Variants in CNTNAP2 observed in about 807,000 individuals in gnomAD.
CNTNAP2 encodes contactin-associated protein-like 2.
Under a neutral mutation model 155.2 loss-of-function variants are expected in CNTNAP2, and 98 were observed. The observed-to-expected ratio is 0.63, with a 90% confidence interval of 0.54 to 0.75. CNTNAP2 has a LOEUF of 0.75. CNTNAP2 is among the 30% of genes least tolerant of loss of function. The pLI, the probability that CNTNAP2 is intolerant of heterozygous loss-of-function variation, is 0.00. For synonymous variants in CNTNAP2, 651 were observed against 631.2 expected, an observed-to-expected ratio of 1.03 and a Z score of -0.47; for missense variants, 1,727 against 1,688.1, an observed-to-expected ratio of 1.02 and a Z score of -0.40.
At chr7:146,494,263 G>A (rs1797181226) in intron 1 of CNTNAP2, among the ~76,000 whole-genome samples, 1 of 151,960 alleles carries the variant, frequency 6.6e-6, no homozygotes, top group Non-Finnish European at 1.5e-5. Context: ...GAATCCGGGA[G>A]GCGGAGTTTG....
At chr7:148,177,237 T>C (rs1394398561) in intron 18 of CNTNAP2, among the ~76,000 whole-genome samples, 1 of 152,174 alleles carries the variant, frequency 6.6e-6, no homozygotes, top group Non-Finnish European at 1.5e-5. Context: ...GATGTGATTA[T>C]GGTAAGTTGA....
chr7:147,717,488 T>C (rs954560163), intron 13 of CNTNAP2, among the ~76,000 whole-genome samples: 4 of 152,092 alleles, frequency 2.6e-5, no homozygotes, highest in African/African-American at 9.7e-5. Flanking sequence ...AGGAGGGAAA[T>C]AGCAGAGTAA....
intron 11 of CNTNAP2, among the ~76,000 whole-genome samples, chr7:147,536,593 C>G (rs1799543656): frequency 1.3e-5 from 2 of 152,158 alleles, no homozygotes; most frequent in Admixed American, 1.3e-4. Flanking sequence ...GGGGAAATAT[C>G]TGTCCATGGT....
At chr7:147,127,964 A>G (rs913191626) in intron 6 of CNTNAP2, among the ~76,000 whole-genome samples, 12 of 152,278 alleles carry the variant, frequency 7.9e-5, no homozygotes, top group African/African-American at 2.4e-4. Context: ...TTAATGCTAT[A>G]GTGTATATTG....
At chr7:146,376,268 A>G (rs1002886608) in intron 1 of CNTNAP2, among the ~76,000 whole-genome samples, 5 of 152,084 alleles carry the variant, frequency 3.3e-5, no homozygotes, top group Non-Finnish European at 7.4e-5. Context: ...TTTAAGTTTA[A>G]TTGCACTTCT....
intron 3 of CNTNAP2, among the ~76,000 whole-genome samples, chr7:146,969,304 A>G (rs1797731240): frequency 6.6e-6 from 1 of 151,928 alleles, no homozygotes; most frequent in South Asian, 2.1e-4. Context: ...TGGGGTGGAG[A>G]GGTCTGTAGA....
intron 13 of CNTNAP2, among the ~76,000 whole-genome samples, chr7:147,729,918 C>A (rs926292725): frequency 6.6e-6 from 1 of 151,954 alleles, no homozygotes; most frequent in Admixed American, 6.6e-5. Context: ...AAATGGAATT[C>A]CTCTTTCAAT....
intron 12 of CNTNAP2, among the ~76,000 whole-genome samples, chr7:147,599,519 G>T (rs906679838): frequency 6.7e-6 from 1 of 149,652 alleles, no homozygotes; most frequent in South Asian, 2.1e-4. Flanking sequence ...CATGAACTAG[G>T]TGACAAAATA....
intron 3 of CNTNAP2, among the ~76,000 whole-genome samples, chr7:146,866,916 A>C (rs988188798): frequency 2.6e-5 from 4 of 152,138 alleles, no homozygotes; most frequent in Non-Finnish European, 5.9e-5. Flanking sequence ...TTCTTCTAAA[A>C]CATTGTAATA....
chr7:148,197,716 G>A (rs1795298784), intron 18 of CNTNAP2, among the ~76,000 whole-genome samples: 1 of 152,156 alleles, frequency 6.6e-6, no homozygotes, highest in Admixed American at 6.5e-5. Flanking sequence ...ACAGGCTTGA[G>A]CCCTCTGACA....
At chr7:147,976,202 G>A (rs914679224) in intron 14 of CNTNAP2, among the ~76,000 whole-genome samples, 2 of 152,134 alleles carry the variant, frequency 1.3e-5, no homozygotes, top group Non-Finnish European at 2.9e-5. Context: ...GACTTAGTTT[G>A]CAGAGCTCTG....
At chr7:148,113,350 T>C (rs1804397232) in intron 15 of CNTNAP2, among the ~76,000 whole-genome samples, 1 of 151,972 alleles carries the variant, frequency 6.6e-6, no homozygotes, top group South Asian at 2.1e-4. Flanking sequence ...AACAACCACA[T>C]CTCATAAGCA....
At chr7:147,870,884 A>C (rs1314437577) in intron 13 of CNTNAP2, among the ~76,000 whole-genome samples, 17 of 152,038 alleles carry the variant, frequency 1.1e-4, no homozygotes, top group Admixed American at 6.6e-5. Flanking sequence ...TGGTCTGAGG[A>C]TAGGGGGATC....
At chr7:146,319,781 T>C (rs1021211925) in intron 1 of CNTNAP2, among the ~76,000 whole-genome samples, 24 of 152,294 alleles carry the variant, frequency 1.6e-4, no homozygotes, top group South Asian at 4.1e-4. Flanking sequence ...GCTGATCTAA[T>C]GTAGGTGGAC....
intron 1 of CNTNAP2, among the ~76,000 whole-genome samples, chr7:146,217,872 ATGT>A (rs1026396633): frequency 1.3e-5 from 2 of 152,186 alleles, no homozygotes; most frequent in Non-Finnish European, 2.9e-5. Context: ...GATCAATGTA[ATGT>A]TGTTCCCCTC....
chr7:147,135,022 A>G (rs1584747691), intron 8 of CNTNAP2, among the ~76,000 whole-genome samples: 1 of 151,980 alleles, frequency 6.6e-6, no homozygotes, highest in Non-Finnish European at 1.5e-5. Flanking sequence ...CTTAGTTTTT[A>G]TTTAATAAAT....
chr7:147,565,372 C>T (rs1362763978), intron 12 of CNTNAP2, among the ~76,000 whole-genome samples: 3 of 151,474 alleles, frequency 2.0e-5, no homozygotes, highest in Non-Finnish European at 4.4e-5. Flanking sequence ...AAAAAGTGCG[C>T]TTTTTTTTAT....
intron 13 of CNTNAP2, among the ~76,000 whole-genome samples, chr7:147,721,525 G>A (rs952322769): frequency 2.0e-5 from 3 of 151,890 alleles, no homozygotes; most frequent in African/African-American, 7.3e-5. Context: ...GTGTCCTCCA[G>A]GCTGACATTT....
intron 21 of CNTNAP2, among the ~76,000 whole-genome samples, chr7:148,356,891 T>A (rs958919126): frequency 4.0e-5 from 6 of 150,752 alleles, no homozygotes; most frequent in Admixed American, 4.0e-4. Flanking sequence ...TTCGTCACCA[T>A]TAAAAAAACA....
Sources: gnomAD v4.1 joint callset for allele counts (sites outside exome capture counted in the v4.1 genomes callset) on GRCh38, gnomAD v4.1.1 for gene constraint, MANE v1.5 for transcripts, NCBI Gene and HGNC (gene_info 2026-07-23, HGNC 2026-07-21) for gene names.